Variants in CPAMD8 observed in about 807,000 individuals in gnomAD.
The protein encoded by CPAMD8 is C3 and PZP like alpha-2-macroglobulin domain containing 8.
A neutral mutation model predicts 224.7 loss-of-function variants in CPAMD8; 146 were observed. The ratio of observed to expected loss-of-function variants is 0.65; its 90% CI spans 0.57 to 0.75. CPAMD8 has a LOEUF of 0.75. Among genes scored for constraint, CPAMD8 ranks in the 30% least tolerant of loss-of-function variants. CPAMD8 has a pLI of 0.00. For synonymous variants in CPAMD8, 966 were observed against 1,044.6 expected (o/e 0.92, Z 1.45); for missense variants, 2,301 against 2,537.5 (o/e 0.91, Z 2.00).
intron 40 of CPAMD8, 44 bp from the exon 41 acceptor site, chr19:16,896,370 G>T (rs1042330580): frequency 5.8e-6 from 9 of 1,548,772 alleles, no homozygotes; most frequent in Non-Finnish European, 7.0e-6. Flanking sequence ...GGCGGGGAGG[G>T]GACCCAAGGG....
chr19:16,893,556 C>T (rs777979587), intron 41 of CPAMD8: 24 of 467,660 alleles, frequency 5.1e-5, no homozygotes, highest in Non-Finnish European at 8.4e-5. Context: ...AATACCACCC[C>T]GGAGAAGATG....
intron 7 of CPAMD8, among the ~76,000 whole-genome samples, chr19:17,005,357 C>T (rs2056457291): frequency 6.6e-6 from 1 of 152,130 alleles, no homozygotes; most frequent in Non-Finnish European, 1.5e-5. Context: ...GCCATGTCCC[C>T]TGGGGGCAGA....
chr19:17,026,552 G>C lies in CPAMD8; in HGVS notation c.91C>G (p.Pro31Ala). 6 of 1,515,596 alleles carry C rather than the reference G, an allele frequency of 4.0e-6. No homozygotes were observed. The highest frequency in any genetic ancestry group is 8.8e-7 in the Non-Finnish European group (1 of 1,141,248). 93.9% of individuals were successfully genotyped at this position (1,515,596 alleles called of 1,614,324 possible). A position where few individuals can be genotyped will look rare whatever the true frequency, so the allele number is the denominator to read the frequency against. Residue 31 changes from proline to alanine, a missense_variant and splice_region_variant, in exon 1 of 42, where the codon CCG becomes GCG. Physicochemically the swap from Pro to Ala is conservative, Grantham distance 27. This residue lies in a region of CPAMD8 where 283 missense variants were observed against 340.6 expected (regional missense o/e 0.83). Transcript: ENST00000443236. Reference protein sequence around the residue: ...DGVRAAQPQAPGYLIAAPSVF... With the variant: ...DGVRAAQPQAAGYLIAAPSVF... ...CCTCTGTCGCCGGAGGATACTCACG[G>C]GGCCTGAGGCTGCGCGGCGCGCACG... is the stretch of plus-strand genomic sequence containing the variant.
rs926392806 is a variant in CPAMD8, at chr19:16,896,546, C to A, written c.5185G>T (p.Val1729Leu). 3 of 1,498,380 alleles carry A rather than the reference C, an allele frequency of 2.0e-6. No individual in the cohort carries two copies. In the African/African-American group the frequency reaches 4.3e-5, roughly 21 times the overall value. The allele number at this position is 1,498,380 out of a possible 1,614,324, so 92.8% of individuals were successfully genotyped here. ...AGGCGGCAGGCGCTGGCGTAGACCA[C>A]CCCGTCGGAGCCGCACACCGGGTTC... ...QGNPVCGSDG[V>L]VYASACRLRE... The change falls in exon 40 of 42, where the codon GTG becomes TTG. Residue 1729 changes from valine (V) to leucine (L), a missense_variant. By Grantham distance (32) the Val-to-Leu change is conservative. This residue lies in a region of CPAMD8 where 1,709 missense variants were observed against 1,753.2 expected (regional missense o/e 0.97). Transcript: ENST00000443236.
At chr19:17,004,991 A>C (rs1181182949) in intron 7 of CPAMD8, among the ~76,000 whole-genome samples, 3 of 150,016 alleles carry the variant, frequency 2.0e-5, no homozygotes, top group Non-Finnish European at 4.4e-5. Flanking sequence ...AGAAACAGAC[A>C]AGACAGACAG....
intron 39 of CPAMD8, chr19:16,896,995 A>AC (rs1335577459): frequency 3.8e-5 from 2 of 52,478 alleles, no homozygotes; most frequent in African/African-American, 3.9e-4. Flanking sequence ...CCCCAACCCC[A>AC]CCCCCACCGC....
At chr19:16,906,009 C>A (rs1021946892) in intron 30 of CPAMD8, among the ~76,000 whole-genome samples, 9 of 152,086 alleles carry the variant, frequency 5.9e-5, no homozygotes, top group African/African-American at 2.2e-4. Context: ...GCACCCCTGT[C>A]CTGGGATGAT....
intron 3 of CPAMD8, among the ~76,000 whole-genome samples, chr19:17,012,335 TTTCTTTCTTTC>T (rs1236473224): frequency 1.6e-5 from 2 of 126,434 alleles, no homozygotes; most frequent in Non-Finnish European, 1.8e-5. Flanking sequence ...TTTTTCTTTC[TTTCTTTCTTTC>T]TTTCTTTTTT....
intron 23 of CPAMD8, among the ~76,000 whole-genome samples, chr19:16,929,961 G>C (rs924215901): frequency 6.6e-6 from 1 of 152,016 alleles, no homozygotes; most frequent in African/African-American, 2.4e-5. Context: ...AATTTATACA[G>C]ACACGCAAAG....
At chr19:16,953,628 G>A (rs2054368098) in intron 19 of CPAMD8, among the ~76,000 whole-genome samples, 2 of 148,638 alleles carry the variant, frequency 1.3e-5, no homozygotes, top group African/African-American at 2.5e-5. Context: ...TTGAACACCT[G>A]GGTGACAGAG....
At position 16,907,130 on chromosome 19, in the gene CPAMD8, G is replaced by A; in HGVS notation, c.3862-13C>T. 2.0e-6 allele frequency: 3 copies of A among 1,534,730 alleles called. No individual in the cohort carries two copies. Among genetic ancestry groups the A allele is most frequent in the African/African-American group, 1.4e-5 (1 of 73,078 alleles). On this transcript the variant is annotated splice_polypyrimidine_tract_variant and intron_variant, in intron 29 of 41. Transcript: ENST00000443236. ...AGCCTCTCTCCTCCTGCAGGGTGGG[G>A]TGGGAAGGTGAAACCTGGGAGGCTG... is the stretch of plus-strand genomic sequence containing the variant.
At chr19:17,010,030 G>T (rs927722023) in intron 5 of CPAMD8, among the ~76,000 whole-genome samples, 7 of 152,134 alleles carry the variant, frequency 4.6e-5, no homozygotes, top group Admixed American at 2.6e-4. Flanking sequence ...CAATGTCATG[G>T]AAGACACAGA....
intron 39 of CPAMD8, 178 bp downstream of exon 39, chr19:16,897,513 T>C: frequency 1.8e-6 from 1 of 561,536 alleles, no homozygotes; most frequent in Non-Finnish European, 3.1e-6. Context: ...TGACCGCTCC[T>C]CCAGCCCCGC....
At chr19:16,939,222 T>C (rs59000359) in intron 22 of CPAMD8, among the ~76,000 whole-genome samples, 92,490 of 150,542 alleles carry the variant, frequency 0.61, 29,519 homozygotes, top group African/African-American at 0.79. Flanking sequence ...TATCTATCTA[T>C]GGACAGAGTC....
chr19:16,903,538 C>A (rs559286428), intron 34 of CPAMD8, 23 bp downstream of exon 34: 11 of 1,613,898 alleles, frequency 6.8e-6, no homozygotes, highest in Non-Finnish European at 9.3e-6. Flanking sequence ...CCCAAGATCA[C>A]CTCGTGCTCC....
intron 25 of CPAMD8, among the ~76,000 whole-genome samples, chr19:16,926,957 A>T (rs1237073786): frequency 6.6e-6 from 1 of 152,032 alleles, no homozygotes; most frequent in Non-Finnish European, 1.5e-5. Context: ...CCACCCTCTG[A>T]TGTCAGAGAG....
chr19:16,954,139 C>A (rs2054386801), intron 19 of CPAMD8, among the ~76,000 whole-genome samples: 1 of 151,742 alleles, frequency 6.6e-6, no homozygotes, highest in African/African-American at 2.4e-5. Context: ...GGGTATACAC[C>A]CAGAAGTAGT....
intron 18 of CPAMD8, among the ~76,000 whole-genome samples, chr19:16,967,891 A>ACT (rs1491310820): frequency 3.9e-5 from 1 of 25,848 alleles, no homozygotes; most frequent in Admixed American, 3.8e-4. Context: ...ATACACACAC[A>ACT]TGTGTGTGTA....
intron 26 of CPAMD8, among the ~76,000 whole-genome samples, chr19:16,924,878 C>T (rs796994740): frequency 7.2e-5 from 11 of 152,278 alleles, no homozygotes; most frequent in African/African-American, 2.6e-4. Context: ...AGCCACTGTG[C>T]CTGGCCTTCT....
Sources: allele counts gnomAD v4.1 joint callset (sites outside exome capture counted in the v4.1 genomes callset), GRCh38; gene constraint gnomAD v4.1.1; regional missense constraint gnomAD v4.1.1; transcripts MANE v1.5; gene names NCBI Gene and HGNC (gene_info 2026-07-23, HGNC 2026-07-21).